BCAS3: variants seen among roughly 807,000 people sequenced by gnomAD.
BCAS3 encodes the protein BCAS4/BCAS3 fusion.
In BCAS3, 53 loss-of-function variants were observed where a neutral mutation model predicts 116.1. That is an observed-to-expected ratio of 0.46 (90% confidence interval 0.37 to 0.57). BCAS3 has a LOEUF of 0.57. Among genes scored for constraint, BCAS3 ranks in the 20% least tolerant of loss-of-function variants. The pLI is 0.00. For synonymous variants in BCAS3, 391 were observed against 408.2 expected (o/e 0.96, Z 0.51); for missense variants, 917 against 1,165.4 (o/e 0.79, Z 3.10).
intron 22 of BCAS3, among the ~76,000 whole-genome samples, chr17:61,319,563 C>CT (rs935864446): frequency 0.017 from 2,210 of 133,042 alleles, 52 homozygotes; most frequent in African/African-American, 0.055. Flanking sequence ...GCTATAGAGG[C>CT]TTTTTTTTTT....
In BCAS3 at chr17:60,680,576, AC is replaced by A. The variant is rs750183502; in HGVS notation, c.83+1037del. Among the ~76,000 whole-genome samples the A allele has an allele frequency of 1.9e-4, 29 of 152,124 alleles. 2 individuals carry two copies. Among genetic ancestry groups the A allele is most frequent in the Admixed American group, 1.4e-3 (21 of 15,262 alleles). ...ATGTCTCTGTTTTTGGCATTCTTTG[AC>A]AAAGAATGTCTATACTTACTAGAGT... On this transcript the variant is annotated intron_variant, in intron 2 of 23. Coordinates refer to ENST00000407086, the MANE Select transcript of BCAS3 (RefSeq NM_017679.5).
intron 6 of BCAS3, among the ~76,000 whole-genome samples, chr17:60,784,063 C>T (rs2144503953): frequency 6.6e-6 from 1 of 152,166 alleles, no homozygotes; most frequent in Middle Eastern, 3.4e-3. Context: ...ATCTAAACAT[C>T]TGGAATATGG....
At chr17:60,722,547 C>T (rs958438809) in intron 5 of BCAS3, among the ~76,000 whole-genome samples, 2 of 151,206 alleles carry the variant, frequency 1.3e-5, no homozygotes, top group Admixed American at 6.6e-5. Context: ...TAGATCACGA[C>T]GTCAAGAGAT....
At chr17:61,102,215 C>T (rs1188692331) in intron 22 of BCAS3, among the ~76,000 whole-genome samples, 1 of 152,088 alleles carries the variant, frequency 6.6e-6, no homozygotes, top group Admixed American at 6.5e-5. Context: ...GAATTGTATG[C>T]ATCTGTTTTC....
intron 22 of BCAS3, among the ~76,000 whole-genome samples, chr17:61,336,014 T>A (rs1268046286): frequency 6.6e-6 from 1 of 152,204 alleles, no homozygotes; most frequent in Non-Finnish European, 1.5e-5. Context: ...CCCAGCCCCC[T>A]TTCCATACTT....
chr17:60,903,624 G>A (rs569244018), intron 11 of BCAS3, among the ~76,000 whole-genome samples: 1 of 152,208 alleles, frequency 6.6e-6, no homozygotes, highest in African/African-American at 2.4e-5. Context: ...GTAGAGACAG[G>A]GTTTTGCCAT....
chr17:60,801,169 C>T (rs537403567), intron 6 of BCAS3, among the ~76,000 whole-genome samples: 51 of 152,056 alleles, frequency 3.4e-4, no homozygotes, highest in Non-Finnish European at 5.6e-4. Context: ...TTTAGGTTGT[C>T]TTTTGTTTGT....
chr17:60,711,909 C>T (rs890958382), intron 5 of BCAS3, among the ~76,000 whole-genome samples: 25 of 152,108 alleles, frequency 1.6e-4, no homozygotes, highest in African/African-American at 5.8e-4. Context: ...TGCCTGTAAT[C>T]CCAGTACTTT....
Position 61,235,929 on chromosome 17 carries a change from T to C in BCAS3, c.2426-132398T>C, listed in dbSNP as rs951440995. On this transcript the variant is annotated intron_variant, in intron 22 of 23. Transcript: ENST00000407086. The surrounding 1 kb of genome is among the most constrained non-coding windows in gnomAD (Gnocchi z 5.0). Reference sequence around the variant, plus strand: ...AGGCGAATGCTAGCCTGTGCTGTTTTTGAACATACTCAAACAAAGGCTGAT... The same window carrying C: ...AGGCGAATGCTAGCCTGTGCTGTTTCTGAACATACTCAAACAAAGGCTGAT... Among the ~76,000 whole-genome samples the C allele has an allele frequency of 6.6e-6, 1 of 152,208 alleles. No homozygotes were observed. The highest frequency in any genetic ancestry group is 1.5e-5 in the Non-Finnish European group (1 of 68,042).
At position 60,967,920 on chromosome 17, in the gene BCAS3, G is replaced by A. The variant is rs2061744137; in HGVS notation, c.1221+20568G>A. On this transcript the variant is annotated intron_variant, in intron 14 of 23. Transcript: ENST00000407086. This position sits in a 1 kb window ranked among gnomAD's most constrained non-coding sequence, Gnocchi z 4.7. ...CCCAATCTCTTTGTTAAATTTCTCT[G>A]ATAAATTTCTGAATTGCTTTTCTGT... is the stretch of plus-strand genomic sequence containing the variant. 6.6e-6 allele frequency among the ~76,000 whole-genome samples: 1 copy of A among 151,860 alleles called. No individual in the cohort carries two copies. The highest frequency in any genetic ancestry group is 2.4e-5 in the African/African-American group (1 of 41,228).
intron 23 of BCAS3, among the ~76,000 whole-genome samples, chr17:61,373,100 T>C (rs1331957165): frequency 6.6e-6 from 1 of 152,062 alleles, no homozygotes; most frequent in Non-Finnish European, 1.5e-5. Context: ...TCCTTTTTTT[T>C]TTTTTTCTGA....
chr17:60,888,433 A>G (rs896751711), intron 9 of BCAS3, among the ~76,000 whole-genome samples: 2 of 152,286 alleles, frequency 1.3e-5, no homozygotes, highest in African/African-American at 4.8e-5. Context: ...AAACTTTCTT[A>G]TAGATCATAT....
Position 61,118,570 on chromosome 17 carries a change from C to T in BCAS3, c.2425+34006C>T, listed in dbSNP as rs1037816363. On this transcript the variant is annotated intron_variant, in intron 22 of 23. Coordinates refer to ENST00000407086, the MANE Select transcript of BCAS3 (RefSeq NM_017679.5). The surrounding 1 kb of genome is among the most constrained non-coding windows in gnomAD (Gnocchi z 5.0). Reference sequence around the variant, plus strand: ...CCTGTGGAGGTGTTGGGCACCTTGTCATAGCCTCTCAAGGGTGGAGTCTGG... The same window carrying T: ...CCTGTGGAGGTGTTGGGCACCTTGTTATAGCCTCTCAAGGGTGGAGTCTGG... Among the ~76,000 whole-genome samples, 1 of 152,206 alleles carries T rather than the reference C, an allele frequency of 6.6e-6. No homozygotes were observed. The highest frequency in any genetic ancestry group is 2.4e-5 in the African/African-American group (1 of 41,458).
chr17:61,322,829 AC>A (rs2055372694), intron 22 of BCAS3, among the ~76,000 whole-genome samples: 1 of 107,474 alleles, frequency 9.3e-6, no homozygotes, highest in African/African-American at 4.0e-5. Context: ...AGAGAGAGAG[AC>A]AGAGAGAGAG....
At chr17:60,693,135 C>T (rs1177456256) in intron 4 of BCAS3, among the ~76,000 whole-genome samples, 31 of 152,024 alleles carry the variant, frequency 2.0e-4, no homozygotes. Context: ...TTTGGCCTCC[C>T]AAAGTGCTGG....
chr17:61,391,853 C>T lies in BCAS3; in HGVS notation c.2594-124C>T, dbSNP rs2060148075. On this transcript the variant is annotated intron_variant, in intron 23 of 23. Coordinates refer to ENST00000407086, the MANE Select transcript of BCAS3 (RefSeq NM_017679.5). The surrounding 1 kb of genome is among the most constrained non-coding windows in gnomAD (Gnocchi z 7.7). ...GCCCATCCAGGGAGCAGGCGGGGAT[C>T]CCCCTGCGGAAGGACACAAGTGAAC... The T allele has an allele frequency of 8.6e-6, 9 of 1,040,698 alleles. No individual in the cohort carries two copies. The highest frequency in any genetic ancestry group is 6.6e-5 in the Admixed American group (3 of 45,614). The allele number at this position is 1,040,698 out of a possible 1,614,324, so 64.5% of individuals were successfully genotyped here.
At chr17:61,245,376 GTATTTATTTT>G (rs2047861648) in intron 22 of BCAS3, 1 of 151,956 alleles carries the variant, frequency 6.6e-6, no homozygotes, top group Non-Finnish European at 1.5e-5. Flanking sequence ...ATATCAGTAA[GTATTTATTTT>G]TATTTATTTT....
chr17:61,011,696 G>A (rs1237071899), intron 15 of BCAS3, among the ~76,000 whole-genome samples: 1 of 152,032 alleles, frequency 6.6e-6, no homozygotes, highest in Non-Finnish European at 1.5e-5. Context: ...GCCTGGTGGA[G>A]TCTCCAGTAT....
In BCAS3 at chr17:61,326,225, C is replaced by T. The variant is rs1027752636; in HGVS notation, c.2426-42102C>T. ...TGAAAAGGGTATGCAGGGAGAGTTT[C>T]CCTAAGGAGGTCCCATTTAAGCTTG... On this transcript the variant is annotated intron_variant, in intron 22 of 23. Coordinates refer to ENST00000407086, the MANE Select transcript of BCAS3 (RefSeq NM_017679.5). This position sits in a 1 kb window ranked among gnomAD's most constrained non-coding sequence, Gnocchi z 5.3. 3.9e-5 allele frequency among the ~76,000 whole-genome samples: 6 copies of T among 152,122 alleles called. 1 individual carries two copies. The highest frequency in any genetic ancestry group is 3.9e-4 in the Admixed American group (6 of 15,274).
Sources: gnomAD v4.1 joint callset for allele counts (sites outside exome capture counted in the v4.1 genomes callset) on GRCh38, gnomAD v4.1.1 for gene constraint, Gnocchi (gnomAD v3.1) non-coding constraint, MANE v1.5 for transcripts, NCBI Gene and HGNC (gene_info 2026-07-23, HGNC 2026-07-21) for gene names.